PDE4DIP: variants seen among roughly 807,000 people sequenced by gnomAD.
The protein encoded by PDE4DIP is myomegalin.
A neutral mutation model predicts 221.4 loss-of-function variants in PDE4DIP; 59 were observed. That is an observed-to-expected ratio of 0.27 (90% confidence interval 0.22 to 0.33). The LOEUF is 0.33. Among genes scored for constraint, PDE4DIP ranks in the 10% least tolerant of loss-of-function variants. PDE4DIP has a pLI of 1.00. For synonymous variants in PDE4DIP, 404 were observed against 815.9 expected (o/e 0.50, Z 8.60); for missense variants, 1,036 against 2,154.2 (o/e 0.48, Z 10.28).
chr1:148,890,470 T>A (rs1362675682), intron 1 of PDE4DIP, among the ~76,000 whole-genome samples: 4 of 116,920 alleles, frequency 3.4e-5, no homozygotes, highest in Non-Finnish European at 3.9e-5. Context: ...AAAAAAAAAA[T>A]TGGCAGGGCA....
At chr1:149,017,944 G>A in intron 34 of PDE4DIP, 65 bp downstream of exon 37, 1 of 1,449,718 alleles carries the variant, frequency 6.9e-7, no homozygotes, top group Non-Finnish European at 9.6e-7. Flanking sequence ...GAGCTTCACA[G>A]ATATTCTTTA....
intron 17 of PDE4DIP, among the ~76,000 whole-genome samples, chr1:148,974,966 T>A (rs2059853794): frequency 1.2e-5 from 1 of 84,178 alleles, no homozygotes; most frequent in Non-Finnish European, 2.4e-5. Flanking sequence ...CGAACAGGAG[T>A]TCGAGACCAG....
At chr1:148,982,839 C>A (rs1254484121) in intron 21 of PDE4DIP, 2 of 151,926 alleles carry the variant, frequency 1.3e-5, no homozygotes, top group Admixed American at 6.6e-5. Context: ...CACATGTTGA[C>A]ATGGCTTGTA....
intron 9 of PDE4DIP, among the ~76,000 whole-genome samples, chr1:148,963,906 G>A (rs1747931): frequency 1.4e-5 from 2 of 147,472 alleles, no homozygotes; most frequent in African/African-American, 2.5e-5. Context: ...GGCACTGGCC[G>A]CCACCACGCC....
chr1:148,999,757 C>G (rs1482835168), intron 23 of PDE4DIP, among the ~76,000 whole-genome samples: 1 of 152,092 alleles, frequency 6.6e-6, no homozygotes, highest in Non-Finnish European at 1.5e-5. Flanking sequence ...ATAGCTATCC[C>G]TGTGGATTAT....
Position 149,023,608 on chromosome 1 carries a change from G to GCGCACA in PDE4DIP, c.6086-837_6086-836insCGCACA, listed in dbSNP as rs2073870201. On this transcript the variant is annotated intron_variant, in intron 37 of 43. Coordinates refer to ENST00000369354, the Ensembl canonical transcript of PDE4DIP. ...ATGTCATATATGTACATGTATATGT[G>GCGCACA]TGCACATATATATGTACATGTATAT... Among the ~76,000 whole-genome samples the GCGCACA allele has an allele frequency of 1.4e-5, 2 of 144,316 alleles. 1 individual carries two copies. Among genetic ancestry groups the GCGCACA allele is most frequent in the Non-Finnish European group, 3.0e-5 (2 of 65,932 alleles). The allele number at this position is 144,316 out of a possible 152,430, so 94.7% of individuals were successfully genotyped here. A position where few individuals can be genotyped will look rare whatever the true frequency, so the allele number is the denominator to read the frequency against.
At chr1:148,977,847 C>T in intron 17 of PDE4DIP, 90 bp from the exon 21 acceptor site, 1 of 1,543,260 alleles carries the variant, frequency 6.5e-7, no homozygotes, top group Non-Finnish European at 8.7e-7. Context: ...TTTTCTTTTC[C>T]ATTACTGGCT....
chr1:148,979,708 G>A (rs181173235), intron 19 of PDE4DIP, 29 bp from the exon 23 acceptor site: 498 of 1,597,790 alleles, frequency 3.1e-4, no homozygotes, highest in Middle Eastern at 2.5e-3. Context: ...TGCCATTTGC[G>A]TATTGCTTCC....
At position 148,903,141 on chromosome 1, in the gene PDE4DIP, C is replaced by T. The variant is rs868909716; in HGVS notation, c.141+13247C>T. 1.1e-4 allele frequency among the ~76,000 whole-genome samples: 17 copies of T among 149,754 alleles called. No individual in the cohort carries two copies. In the Middle Eastern group the frequency reaches 0.014, roughly 122 times the overall value. ...GGTATCACATTGTGGTTTTGATTTG[C>T]ATTTCCCTGATTATTAGCGATGTTG... On this transcript the variant is annotated intron_variant, in intron 1 of 43. Coordinates refer to ENST00000369354, the Ensembl canonical transcript of PDE4DIP.
At chr1:148,967,854 T>C in exon 13 of PDE4DIP, 1 of 1,122,668 alleles carries the variant, frequency 8.9e-7, no homozygotes, top group Non-Finnish European at 1.4e-6. Context: ...AACAAGAGAG[T>C]ATCATTCAGC....
At chr1:148,914,883 T>C (rs1388745754) in intron 1 of PDE4DIP, among the ~76,000 whole-genome samples, 1 of 109,896 alleles carries the variant, frequency 9.1e-6, no homozygotes, top group East Asian at 2.2e-4. Flanking sequence ...TAATAGCATG[T>C]TCGTATGCCA....
At chr1:148,919,728 G>C (rs1396213017) in intron 1 of PDE4DIP, among the ~76,000 whole-genome samples, 15 of 151,298 alleles carry the variant, frequency 9.9e-5, no homozygotes, top group African/African-American at 3.7e-4. Context: ...TTTTCACTTT[G>C]GGTGAATAAT....
chr1:148,866,630 G>T (rs1686904969), intron 2 of PDE4DIP: 3 of 33,072 alleles, frequency 9.1e-5, no homozygotes, highest in Admixed American at 7.7e-4. Flanking sequence ...GGGAGGGAGG[G>T]GGAAGGGAGG....
chr1:148,977,717 T>C (rs1235827507), intron 17 of PDE4DIP, among the ~76,000 whole-genome samples: 13 of 152,238 alleles, frequency 8.5e-5, no homozygotes, highest in Non-Finnish European at 1.5e-5. Flanking sequence ...TGTTTTATAG[T>C]GCCAGCTAAA....
chr1:148,907,377 G>GT (rs1211222472), intron 1 of PDE4DIP, among the ~76,000 whole-genome samples: 6 of 122,318 alleles, frequency 4.9e-5, no homozygotes, highest in Non-Finnish European at 3.5e-5. Flanking sequence ...TTTTGTTTTT[G>GT]TTTTTTTGAA....
At chr1:148,997,437 A>T (rs2064525544) in intron 22 of PDE4DIP, among the ~76,000 whole-genome samples, 1 of 150,358 alleles carries the variant, frequency 6.7e-6, no homozygotes, top group Non-Finnish European at 1.5e-5. Context: ...TTGTAGAGAG[A>T]GTTTGTCTGG....
intron 14 of PDE4DIP, among the ~76,000 whole-genome samples, chr1:148,971,550 A>T (rs1331432352): frequency 6.6e-6 from 1 of 152,212 alleles, no homozygotes; most frequent in Admixed American, 6.5e-5. Flanking sequence ...CCACAAATTA[A>T]CACATCCGTC....
At chr1:148,953,678 T>G in intron 5 of PDE4DIP, 1 of 1,417,816 alleles carries the variant, frequency 7.1e-7, no homozygotes, top group South Asian at 1.2e-5. Context: ...AGGTCTTGAT[T>G]ATAAGCCCAT....
chr1:148,913,371 CTG>C (rs1553455765), intron 1 of PDE4DIP, among the ~76,000 whole-genome samples: 1 of 114,214 alleles, frequency 8.8e-6, no homozygotes, highest in African/African-American at 3.3e-5. Flanking sequence ...AGGAAAGCCA[CTG>C]TGGCTGATGC....
Sources: allele counts gnomAD v4.1 joint callset (sites outside exome capture counted in the v4.1 genomes callset), GRCh38; gene constraint gnomAD v4.1.1; transcripts MANE v1.5; gene names NCBI Gene and HGNC (gene_info 2026-07-23, HGNC 2026-07-21).